CACNA2D4: variants seen among roughly 807,000 people sequenced by gnomAD.
CACNA2D4 encodes the protein calcium voltage-gated channel auxiliary subunit alpha2delta 4.
CACNA2D4 carries 157 observed loss-of-function variants against 163.8 expected under a neutral mutation model. The ratio of observed to expected loss-of-function variants is 0.96; its 90% confidence interval spans 0.84 to 1.09. CACNA2D4 has a LOEUF of 1.09. Ranked by LOEUF, CACNA2D4 falls within the 50% of genes least tolerant of loss-of-function variation. CACNA2D4 has a pLI of 0.00. For synonymous variants in CACNA2D4, 598 were observed against 586.9 expected, an observed-to-expected ratio of 1.02 and a Z score of -0.27; for missense variants, 1,410 against 1,479.9, an observed-to-expected ratio of 0.95 and a Z score of 0.78.
chr12:1,797,289 AC>A, intron 35 of CACNA2D4, 128 bp downstream of exon 35: 3 of 713,274 alleles, frequency 4.2e-6, no homozygotes, highest in Non-Finnish European at 4.9e-6. Context: ...TGGGCTCTGC[AC>A]TTAGACGCAT....
At chr12:1,884,633 G>T in intron 11 of CACNA2D4, 135 bp downstream of exon 11, 1 of 659,386 alleles carries the variant, frequency 1.5e-6, no homozygotes, top group Non-Finnish European at 2.7e-6. Flanking sequence ...CAATTAAAAT[G>T]CATCTGAAAG....
rs79922088 is a variant in CACNA2D4, at chr12:1,802,619, G to A, written c.2722-975C>T. Reference sequence around the variant, plus strand: ...GGTGTTGGATTTCGACTTTAATGTAGGCTGTCTTTAAAAATTGGGGATAGC... The same window carrying A: ...GGTGTTGGATTTCGACTTTAATGTAAGCTGTCTTTAAAAATTGGGGATAGC... On this transcript the variant is annotated intron_variant, in intron 29 of 37. Transcript: ENST00000382722. This position sits in a 1 kb window ranked among gnomAD's most constrained non-coding sequence, Gnocchi z 4.7. 0.029 allele frequency among the ~76,000 whole-genome samples: 4,435 copies of A among 152,320 alleles called. 118 individuals carry two copies. The highest frequency in any genetic ancestry group is 0.077 in the East Asian group (398 of 5,184).
At chr12:1,815,610 A>G (rs1187455282) in intron 26 of CACNA2D4, among the ~76,000 whole-genome samples, 1 of 151,504 alleles carries the variant, frequency 6.6e-6, no homozygotes, top group East Asian at 1.9e-4. Context: ...AATCGTACCT[A>G]TCACAGTGTG....
rs1018773427 is a variant in CACNA2D4, at chr12:1,843,935, TGG to T, written c.2470+465_2470+466del. 2.6e-5 allele frequency among the ~76,000 whole-genome samples: 4 copies of T among 152,100 alleles called. No homozygotes were observed. Among genetic ancestry groups the T allele is most frequent in the African/African-American group, 7.2e-5 (3 of 41,438 alleles). On this transcript the variant is annotated intron_variant, in intron 25 of 37. Coordinates refer to ENST00000382722, the MANE Select transcript of CACNA2D4 (RefSeq NM_172364.5). The surrounding 1 kb of genome is among the most constrained non-coding windows in gnomAD (Gnocchi z 4.6). ...CCCTGAGGCTGGTCCTGGGTGGTCCTGGGTAACTGGGGACGGGTTGCTTTCTT... is the reference window on the plus strand; with the variant it reads ...CCCTGAGGCTGGTCCTGGGTGGTCCTGTAACTGGGGACGGGTTGCTTTCTT...
rs570894723 is a variant in CACNA2D4 at position 1,851,455 on chromosome 12, A to G, written c.2246+2496T>C. Among the ~76,000 whole-genome samples the G allele has an allele frequency of 1.5e-3, 229 of 152,338 alleles. 2 individuals are homozygous for G. Among genetic ancestry groups the G allele is most frequent in the African/African-American group, 5.3e-3 (222 of 41,580 alleles). On this transcript the variant is annotated intron_variant, in intron 23 of 37. Transcript: ENST00000382722. ...TTAAAAATCCATCTTTCCTTCATTG[A>G]TTTGACAGGATGCCTCTGTCATAGA...
chr12:1,862,782 G>A (rs1381726482), intron 18 of CACNA2D4, among the ~76,000 whole-genome samples: 3 of 152,176 alleles, frequency 2.0e-5, no homozygotes, highest in Non-Finnish European at 4.4e-5. Flanking sequence ...CTTCCTTTAC[G>A]AAGTGTCTGC....
At position 1,844,585 on chromosome 12, in the gene CACNA2D4, C is replaced by A; in HGVS notation, c.2343-56G>T. 6.4e-7 allele frequency: 1 copy of A among 1,565,908 alleles called. No individual in the cohort carries two copies. Among genetic ancestry groups the A allele is most frequent in the South Asian group, 1.2e-5 (1 of 84,984 alleles). ...CAGATCTGTGAACACAGTCATCACT[C>A]TTTCCTTTTCTCACACAAGGTCAAC... On this transcript the variant is annotated intron_variant, in intron 24 of 37. Coordinates refer to ENST00000382722, the MANE Select transcript of CACNA2D4 (RefSeq NM_172364.5). The surrounding 1 kb of genome is among the most constrained non-coding windows in gnomAD (Gnocchi z 4.2).
In CACNA2D4 at chr12:1,874,316, G is replaced by T. The variant is rs1021027687; in HGVS notation, c.1878+288C>A. Among the ~76,000 whole-genome samples, 4 of 152,224 alleles carry T rather than the reference G, an allele frequency of 2.6e-5. No homozygotes were observed. The highest frequency in any genetic ancestry group is 2.9e-5 in the Non-Finnish European group (2 of 68,030). ...TAAACAACAAAAGGGCCAGTAGCAG[G>T]CAGCATAAGGAGGAAAGAAGAGCTG... On this transcript the variant is annotated intron_variant, in intron 18 of 37. Coordinates refer to ENST00000382722, the MANE Select transcript of CACNA2D4 (RefSeq NM_172364.5). The surrounding 1 kb of genome is among the most constrained non-coding windows in gnomAD (Gnocchi z 4.4).
intron 23 of CACNA2D4, among the ~76,000 whole-genome samples, chr12:1,850,740 T>TAAAAATACAA (rs1363225286): frequency 6.6e-6 from 1 of 152,042 alleles, no homozygotes; most frequent in Non-Finnish European, 1.5e-5. Flanking sequence ...CCGTCTCTAC[T>TAAAAATACAA]AAAAATACAA....
intron 37 of CACNA2D4, 23 bp from the exon 38 acceptor site, chr12:1,793,782 A>T: frequency 6.3e-7 from 1 of 1,599,736 alleles, no homozygotes; most frequent in Non-Finnish European, 8.6e-7. Flanking sequence ...AGCAGAGGTG[A>T]CAGCGCGGCG....
In CACNA2D4 at chr12:1,828,958, G is replaced by A. The variant is rs767683011; in HGVS notation, c.2551+11781C>T. On this transcript the variant is annotated intron_variant, in intron 26 of 37. Coordinates refer to ENST00000382722, the MANE Select transcript of CACNA2D4 (RefSeq NM_172364.5). The surrounding 1 kb of genome is among the most constrained non-coding windows in gnomAD (Gnocchi z 4.2). Reference sequence around the variant, plus strand: ...GGCTACACGGTGGCAGGGAGGAAACGGTCCCGCGGGACGGCATTCCGCCTG... The same window carrying A: ...GGCTACACGGTGGCAGGGAGGAAACAGTCCCGCGGGACGGCATTCCGCCTG... 2.7e-4 allele frequency among the ~76,000 whole-genome samples: 41 copies of A among 152,202 alleles called. No individual in the cohort carries two copies. Among genetic ancestry groups the A allele is most frequent in the Non-Finnish European group, 4.7e-4 (32 of 68,036 alleles).
At position 1,918,090 on chromosome 12, in the gene CACNA2D4, G is replaced by A. The variant is rs991574646; in HGVS notation, c.227+157C>T. The A allele has an allele frequency of 3.0e-5, 19 of 639,288 alleles. No individual in the cohort carries two copies. The African/African-American group carries it at 3.0e-4, about 10-fold the overall frequency. The allele number at this position is 639,288 out of a possible 1,614,324, so 39.6% of individuals were successfully genotyped here. On this transcript the variant is annotated intron_variant, in intron 1 of 37. Coordinates refer to ENST00000382722, the MANE Select transcript of CACNA2D4 (RefSeq NM_172364.5). ...GAAAGAGGAGGCCGGAGAAGCAAAG[G>A]GCTTTACAGCAAGAGAGTGGTCAGT...
chr12:1,837,481 T>C (rs1447606954), intron 26 of CACNA2D4, among the ~76,000 whole-genome samples: 1 of 152,118 alleles, frequency 6.6e-6, no homozygotes, highest in East Asian at 1.9e-4. Flanking sequence ...TCTGGGGTTA[T>C]AAGCATGCTG....
rs1409216114 is a variant in CACNA2D4 at position 1,878,418 on chromosome 12, A to G, written c.1645-29T>C. 2 of 1,576,772 alleles carry G rather than the reference A, an allele frequency of 1.3e-6. No homozygotes were observed. Among genetic ancestry groups the G allele is most frequent in the African/African-American group, 1.3e-5 (1 of 74,158 alleles). On this transcript the variant is annotated intron_variant, in intron 15 of 37. Transcript: ENST00000382722. This position sits in a 1 kb window ranked among gnomAD's most constrained non-coding sequence, Gnocchi z 4.6. ...CCAGAGTCCAGGGTGGAGGCGCATT[A>G]GGCCTGCTGTTTGTGCTGGGCATCT... is the stretch of plus-strand genomic sequence containing the variant.
Position 1,885,893 on chromosome 12 carries a change from C to G in CACNA2D4, c.1068+72G>C. ...AAGCAAAAAGGGCCACAGAAACAGTCTACAGAGACAACCGCCCACCATCCA... is the reference window on the plus strand; with the variant it reads ...AAGCAAAAAGGGCCACAGAAACAGTGTACAGAGACAACCGCCCACCATCCA... On this transcript the variant is annotated intron_variant, in intron 9 of 37. Transcript: ENST00000382722. The G allele has an allele frequency of 1.4e-5, 16 of 1,107,022 alleles. No homozygotes were observed. The South Asian group carries it at 2.2e-4, about 15-fold the overall frequency. The allele number at this position is 1,107,022 out of a possible 1,614,324, so 68.6% of individuals were successfully genotyped here. A position where few individuals can be genotyped will look rare whatever the true frequency, so the allele number is the denominator to read the frequency against.
At position 1,858,659 on chromosome 12, in the gene CACNA2D4, G is replaced by C. The variant is rs1170425314; in HGVS notation, c.1941-15C>G. ...CCACCCCCAAACTGTGGGGAGAGAAGAGAAGGCACTCATTCAGCAGCAGCA... is the reference window on the plus strand; with the variant it reads ...CCACCCCCAAACTGTGGGGAGAGAACAGAAGGCACTCATTCAGCAGCAGCA... On this transcript the variant is annotated splice_polypyrimidine_tract_variant and intron_variant, in intron 19 of 37. Coordinates refer to ENST00000382722, the MANE Select transcript of CACNA2D4 (RefSeq NM_172364.5). 1 of 1,577,164 alleles carries C rather than the reference G, an allele frequency of 6.3e-7. No homozygotes were observed. The highest frequency in any genetic ancestry group is 8.6e-7 in the Non-Finnish European group (1 of 1,158,268).
intron 29 of CACNA2D4, 34 bp downstream of exon 29, chr12:1,810,244 C>G: frequency 6.4e-7 from 1 of 1,571,572 alleles, no homozygotes; most frequent in Non-Finnish European, 8.8e-7. Flanking sequence ...TCCTGCCGCC[C>G]TCTCCCCCTC....
At chr12:1,813,951 CCTT>C (rs1565679963) in intron 26 of CACNA2D4, among the ~76,000 whole-genome samples, 1 of 152,158 alleles carries the variant, frequency 6.6e-6, no homozygotes, top group East Asian at 1.9e-4. Flanking sequence ...GGTCTCTTCT[CCTT>C]CTTTTCCCTT....
chr12:1,906,734 C>T (rs1025152333), intron 6 of CACNA2D4, among the ~76,000 whole-genome samples: 6 of 152,250 alleles, frequency 3.9e-5, no homozygotes. Flanking sequence ...CAGAGGAACA[C>T]AATGCCAACT....
Sources: allele counts gnomAD v4.1 joint callset (sites outside exome capture counted in the v4.1 genomes callset), GRCh38; gene constraint gnomAD v4.1.1; non-coding constraint Gnocchi (gnomAD v3.1); transcripts MANE v1.5; gene names NCBI Gene and HGNC (gene_info 2026-07-23, HGNC 2026-07-21).